The following FRMD6 variants were observed in gnomAD, a reference collection of about 807,000 sequenced individuals.
FRMD6 encodes the protein FERM domain containing 6.
FRMD6 carries 37 observed loss-of-function variants against 73.2 expected under a neutral mutation model. The ratio of observed to expected loss-of-function variants is 0.51; its 90% confidence interval spans 0.39 to 0.66. The LOEUF is 0.66. Ranked by LOEUF, FRMD6 falls within the 30% of genes least tolerant of loss-of-function variation. FRMD6 has a pLI of 0.00. For synonymous variants in FRMD6, 273 were observed against 282.2 expected, an observed-to-expected ratio of 0.97 and a Z score of 0.33; for missense variants, 714 against 780.5, an observed-to-expected ratio of 0.91 and a Z score of 1.02.
chr14:51,444,489 G>A, the FRMD6 span, among the ~76,000 whole-genome samples: 1 of 152,200 alleles, frequency 6.6e-6, no homozygotes, highest in East Asian at 1.9e-4. Flanking sequence ...TGGACAGTCT[G>A]TAACGAATCC....
At chr14:51,521,158 G>A (rs975979048) in intron 1 of FRMD6, among the ~76,000 whole-genome samples, 1 of 152,154 alleles carries the variant, frequency 6.6e-6, no homozygotes, top group African/African-American at 2.4e-5. Context: ...TGACGAAAAT[G>A]TTCTGTATCT....
the FRMD6 span, among the ~76,000 whole-genome samples, chr14:51,410,144 T>G: frequency 6.6e-6 from 1 of 152,214 alleles, no homozygotes. Flanking sequence ...CTTAGGAATA[T>G]TTGGTATTTG....
At chr14:51,493,853 T>C (rs1883149593) in intron 1 of FRMD6, among the ~76,000 whole-genome samples, 1 of 152,198 alleles carries the variant, frequency 6.6e-6, no homozygotes, top group South Asian at 2.1e-4. Flanking sequence ...TAAAATATCA[T>C]AAATTTGCAT....
chr14:51,416,876 C>G, the FRMD6 span, among the ~76,000 whole-genome samples: 48 of 152,270 alleles, frequency 3.2e-4, no homozygotes, highest in African/African-American at 1.2e-3. Context: ...GTTAGCTCTT[C>G]TTGTTGAATT....
At chr14:51,478,448 C>T in the FRMD6 span, among the ~76,000 whole-genome samples, 6 of 152,150 alleles carry the variant, frequency 3.9e-5, no homozygotes, top group Admixed American at 2.0e-4. Flanking sequence ...TAAAAAGTAT[C>T]TATTTTAGTG....
chr14:51,604,807 C>A (rs1566497903), intron 2 of FRMD6, among the ~76,000 whole-genome samples: 1 of 152,160 alleles, frequency 6.6e-6, no homozygotes, highest in Non-Finnish European at 1.5e-5. Context: ...CTCTTCCAGG[C>A]CCTCTCCACG....
chr14:51,715,046 C>G, intron 9 of FRMD6: 2 of 232,038 alleles, frequency 8.6e-6, no homozygotes, highest in Non-Finnish European at 1.7e-5. Flanking sequence ...ATACAAATAA[C>G]CTGACCAGCC....
intron 1 of FRMD6, among the ~76,000 whole-genome samples, chr14:51,538,208 C>A (rs1886005335): frequency 6.6e-6 from 1 of 152,066 alleles, no homozygotes; most frequent in South Asian, 2.1e-4. Context: ...TGTCTAGATT[C>A]ATATTTTTGT....
chr14:51,715,229 G>C (rs1897173336), intron 9 of FRMD6, 96 bp from the exon 10 acceptor site: 2 of 913,618 alleles, frequency 2.2e-6, no homozygotes, highest in South Asian at 4.6e-5. Context: ...ATACATTTCA[G>C]AATCTATAAT....
intron 1 of FRMD6, among the ~76,000 whole-genome samples, chr14:51,661,752 A>G (rs555224674): frequency 2.6e-5 from 4 of 152,240 alleles, no homozygotes; most frequent in Non-Finnish European, 5.9e-5. Flanking sequence ...GAGCTGTGTC[A>G]CTGGAGAAGT....
At chr14:51,475,005 TA>T in the FRMD6 span, among the ~76,000 whole-genome samples, 1 of 152,202 alleles carries the variant, frequency 6.6e-6, no homozygotes, top group African/African-American at 2.4e-5. Flanking sequence ...AAAAGTGAGC[TA>T]GACAGTCTGA....
At chr14:51,426,829 C>T in the FRMD6 span, among the ~76,000 whole-genome samples, 2 of 152,272 alleles carry the variant, frequency 1.3e-5, no homozygotes, top group Admixed American at 6.5e-5. Flanking sequence ...GACCCTGGCT[C>T]GCAGGCTGTT....
At chr14:51,659,929 G>T (rs553284923) in intron 1 of FRMD6, among the ~76,000 whole-genome samples, 1 of 152,258 alleles carries the variant, frequency 6.6e-6, no homozygotes, top group South Asian at 2.1e-4. Context: ...AGAAACTTAA[G>T]AAAGACACAG....
In FRMD6 at chr14:51,715,358, C is replaced by A; in HGVS notation, c.883C>A (p.Pro295Thr). 1 of 1,584,934 alleles carries A rather than the reference C, an allele frequency of 6.3e-7. No homozygotes were observed. Among genetic ancestry groups the A allele is most frequent in the Non-Finnish European group, 8.6e-7 (1 of 1,164,316 alleles). Residue 295 changes from proline (P) to threonine (T), a missense_variant, in exon 10 of 14, where the codon CCT (proline) becomes ACT (threonine). Coordinates refer to ENST00000344768, the MANE Select transcript of FRMD6 (RefSeq NM_001267046.2). ...ATTTGAGATTTTGCCAGATGGCTTG[C>A]CTTCTGCCCGGAAGCTCATATACTA... Reference protein sequence around the residue: ...KKFEILPDGLPSARKLIYYTG... With the variant: ...KKFEILPDGLTSARKLIYYTG...
chr14:51,711,445 C>A, intron 7 of FRMD6, 86 bp from the exon 8 acceptor site: 1 of 861,618 alleles, frequency 1.2e-6, no homozygotes, highest in Non-Finnish European at 1.7e-6. Flanking sequence ...AATTTCAATC[C>A]TGAAATGTTT....
At chr14:51,596,386 G>A (rs1251012545) in intron 2 of FRMD6, among the ~76,000 whole-genome samples, 1 of 151,998 alleles carries the variant, frequency 6.6e-6, no homozygotes, top group Admixed American at 6.6e-5. Flanking sequence ...TAAGCCTGAG[G>A]TTGGGAGGTG....
At chr14:51,429,509 T>C in the FRMD6 span, among the ~76,000 whole-genome samples, 1 of 152,214 alleles carries the variant, frequency 6.6e-6, no homozygotes, top group South Asian at 2.1e-4. Context: ...AATTCCCTCA[T>C]TGAACTTTGT....
chr14:51,556,143 C>T (rs1887117469), intron 1 of FRMD6, among the ~76,000 whole-genome samples: 1 of 152,210 alleles, frequency 6.6e-6, no homozygotes, highest in Non-Finnish European at 1.5e-5. Flanking sequence ...AGGTACACCT[C>T]TGCTGTTCCT....
chr14:51,664,580 A>G (rs763217326), intron 1 of FRMD6, among the ~76,000 whole-genome samples: 8 of 152,242 alleles, frequency 5.3e-5, no homozygotes, highest in Non-Finnish European at 1.0e-4. Flanking sequence ...AGTGTTTGGT[A>G]ATACCAAAGT....
Sources: gnomAD v4.1 joint callset for allele counts (sites outside exome capture counted in the v4.1 genomes callset) on GRCh38, gnomAD v4.1.1 for gene constraint, MANE v1.5 for transcripts, NCBI Gene and HGNC (gene_info 2026-07-23, HGNC 2026-07-21) for gene names.